DNAAF4: variants seen among roughly 807,000 people sequenced by gnomAD.
DNAAF4 encodes dynein axonemal assembly factor 4.
A neutral mutation model predicts 51.8 loss-of-function variants in DNAAF4; 43 were observed. The ratio of observed to expected loss-of-function variants is 0.83; its 90% CI spans 0.65 to 1.07. The LOEUF is 1.07. DNAAF4 is among the 50% of genes least tolerant of loss of function. DNAAF4 has a pLI of 0.00. For missense variants in DNAAF4, 581 were observed against 493.0 expected, an observed-to-expected ratio of 1.18 and a Z score of -1.69; for synonymous variants, 194 against 165.6, an observed-to-expected ratio of 1.17 and a Z score of -1.32.
chr15:55,442,977 G>A, intron 6 of DNAAF4: 3 of 1,610,312 alleles, frequency 1.9e-6, no homozygotes, highest in Non-Finnish European at 2.5e-6. Flanking sequence ...CGTCATTGTA[G>A]AACATCACGT....
intron 1 of DNAAF4, among the ~76,000 whole-genome samples, chr15:55,501,809 G>A (rs2058700854): frequency 6.6e-6 from 1 of 151,906 alleles, no homozygotes; most frequent in African/African-American, 2.4e-5. Context: ...TTGGGAGGCC[G>A]AGGCAGGTGG....
At chr15:55,492,015 T>C (rs2058581497) in intron 3 of DNAAF4, among the ~76,000 whole-genome samples, 1 of 150,300 alleles carries the variant, frequency 6.7e-6, no homozygotes, top group Non-Finnish European at 1.5e-5. Flanking sequence ...TGCCAACACA[T>C]CTGGCTAATT....
At chr15:55,421,999 C>T (rs1023787755) in intron 7 of DNAAF4, among the ~76,000 whole-genome samples, 5 of 150,686 alleles carry the variant, frequency 3.3e-5, no homozygotes, top group Admixed American at 6.6e-5. Flanking sequence ...AGTTTAGATT[C>T]TAATGAATCC....
rs570586151 is a variant in DNAAF4 at position 55,486,694 on chromosome 15, G to A, written c.405+4429C>T. Among the ~76,000 whole-genome samples the A allele has an allele frequency of 4.6e-5, 7 of 152,036 alleles. No homozygotes were observed. In the South Asian group the frequency reaches 1.2e-3, roughly 27 times the overall value. ...AGCTACTTGGGAAGCTGAGGTGGGA[G>A]GATCTCTCGAACCTGCGAGGTCAAT... On this transcript the variant is annotated intron_variant, in intron 4 of 9. Coordinates refer to ENST00000321149, the MANE Select transcript of DNAAF4 (RefSeq NM_130810.4).
intron 4 of DNAAF4, among the ~76,000 whole-genome samples, chr15:55,469,743 A>G (rs1273689754): frequency 2.0e-5 from 3 of 150,582 alleles, no homozygotes; most frequent in East Asian, 2.0e-4. Flanking sequence ...GCCCACCTTG[A>G]CCTCCCAAAG....
In DNAAF4 at chr15:55,491,167, C is replaced by T. The variant is rs1243948579; in HGVS notation, c.361G>A (p.Ala121Thr). 1.2e-6 allele frequency: 2 copies of T among 1,613,962 alleles called. No individual in the cohort carries two copies. The highest frequency in any genetic ancestry group is 1.6e-4 in the Middle Eastern group (1 of 6,084). Residue 121 changes from alanine to threonine, a missense_variant, in exon 4 of 10, where the codon GCA becomes ACA. Ala to Thr is a moderately conservative substitution (Grantham distance 58, BLOSUM62 0). Transcript: ENST00000321149. ...AKEATEAKAA[A>T]KREDQKYALS... ...GCGTATTTTTGATCTTCCCGCTTTG[C>T]TGCAGCTTTTGCTTCTGTAGCTTCT...
At chr15:55,449,788 T>A (rs568295905) in intron 6 of DNAAF4, among the ~76,000 whole-genome samples, 1 of 129,820 alleles carries the variant, frequency 7.7e-6, no homozygotes, top group African/African-American at 2.8e-5. Flanking sequence ...AACCTCCACA[T>A]CCCAAGTTCA....
At chr15:55,443,140 G>C in intron 6 of DNAAF4, 2 of 1,610,642 alleles carry the variant, frequency 1.2e-6, no homozygotes, top group African/African-American at 2.7e-5. Context: ...ACGTTTCCAG[G>C]AGCCGTCTTC....
rs1001262645 is a variant in DNAAF4, at chr15:55,507,814, G to C, written c.-256+308C>G. On this transcript the variant is annotated intron_variant, in intron 1 of 9. Transcript: ENST00000321149. ...ACTATGATTATGCCACTGCACTCTA[G>C]CCTGAGTAACAGGGACTCAAAAATT... 5.3e-5 allele frequency among the ~76,000 whole-genome samples: 8 copies of C among 152,172 alleles called. No individual in the cohort carries two copies. The East Asian group carries it at 1.2e-3, about 22-fold the overall frequency.
intron 4 of DNAAF4, among the ~76,000 whole-genome samples, chr15:55,479,051 T>C (rs2058373336): frequency 6.6e-6 from 1 of 151,604 alleles, no homozygotes; most frequent in African/African-American, 2.4e-5. Context: ...GGATATGCAG[T>C]CTAAGTACTG....
rs1287305835 is a variant in DNAAF4, at chr15:55,445,190, C to T, written c.783+5032G>A. 5.9e-5 allele frequency among the ~76,000 whole-genome samples: 9 copies of T among 151,930 alleles called. 1 individual carries two copies. Among genetic ancestry groups the T allele is most frequent in the Admixed American group, 4.6e-4 (7 of 15,252 alleles). On this transcript the variant is annotated intron_variant, in intron 6 of 9. Transcript: ENST00000321149. ...TTTCCTAGGCAGAGGTCCCTGCAGCCTTCCACAGTGTTTGTGTCCCTGGGT... is the reference window on the plus strand; with the variant it reads ...TTTCCTAGGCAGAGGTCCCTGCAGCTTTCCACAGTGTTTGTGTCCCTGGGT...
At chr15:55,507,677 T>C (rs980927151) in intron 1 of DNAAF4, among the ~76,000 whole-genome samples, 1 of 151,990 alleles carries the variant, frequency 6.6e-6, no homozygotes. Context: ...GATTACCACA[T>C]AGTCACACTG....
intron 4 of DNAAF4, among the ~76,000 whole-genome samples, chr15:55,477,365 A>G (rs1317382952): frequency 1.3e-5 from 2 of 152,076 alleles, no homozygotes; most frequent in African/African-American, 4.8e-5. Context: ...TTATTTAAAA[A>G]CCTAAGATTT....
chr15:55,419,271 C>T (rs2057366997), intron 7 of DNAAF4, among the ~76,000 whole-genome samples: 1 of 151,936 alleles, frequency 6.6e-6, no homozygotes, highest in African/African-American at 2.4e-5. Context: ...CTCACCCAAG[C>T]TGGAATGCAG....
At chr15:55,470,847 ATT>A (rs1169756178) in intron 4 of DNAAF4, among the ~76,000 whole-genome samples, 4 of 99,018 alleles carry the variant, frequency 4.0e-5, no homozygotes, top group Admixed American at 1.3e-4. Context: ...TGCCTGGCGG[ATT>A]TTTTTTTTTT....
chr15:55,435,555 C>T (rs2057593777), intron 7 of DNAAF4, among the ~76,000 whole-genome samples: 1 of 152,124 alleles, frequency 6.6e-6, no homozygotes, highest in Non-Finnish European at 1.5e-5. Context: ...CAGAAAGAAA[C>T]CGAGCCCTTC....
Position 55,424,081 on chromosome 15 carries a change from C to T in DNAAF4, c.1048-5948G>A, listed in dbSNP as rs115869952. Among the ~76,000 whole-genome samples the T allele has an allele frequency of 1.3e-3, 201 of 151,744 alleles. 2 individuals are homozygous for T. Among genetic ancestry groups the T allele is most frequent in the African/African-American group, 4.5e-3 (187 of 41,138 alleles). ...CTCTAGCCTGGGTGACAAAGCAAGA[C>T]TCTGTCACACACACAAAAGAGACTA... On this transcript the variant is annotated intron_variant, in intron 7 of 7. Coordinates refer to the DNAAF4 transcript ENST00000448430.
In DNAAF4 at chr15:55,436,039, C is replaced by T. The variant is rs147107991; in HGVS notation, c.894-981G>A. Among the ~76,000 whole-genome samples the T allele has an allele frequency of 8.7e-3, 1,319 of 152,288 alleles. 17 individuals carry two copies. Among genetic ancestry groups the T allele is most frequent in the African/African-American group, 0.03 (1,247 of 41,550 alleles). ...CCGATCTCAGGTGATCTGCCCGCTT[C>T]GGCCTCCCAAAGCGCTGGGATTACA... On this transcript the variant is annotated intron_variant, in intron 7 of 9. Transcript: ENST00000321149.
intron 9 of DNAAF4, among the ~76,000 whole-genome samples, chr15:55,431,304 A>G (rs2057489240): frequency 1.3e-5 from 2 of 152,020 alleles, no homozygotes; most frequent in African/African-American, 4.8e-5. Flanking sequence ...TAACAAATAT[A>G]AGCAATGTGC....
Sources: allele counts gnomAD v4.1 joint callset (sites outside exome capture counted in the v4.1 genomes callset), GRCh38; gene constraint gnomAD v4.1.1; transcripts MANE v1.5; gene names NCBI Gene and HGNC (gene_info 2026-07-23, HGNC 2026-07-21).